Variants in MROH2A observed in about 807,000 individuals in gnomAD.
MROH2A encodes the protein maestro heat like repeat family member 2A.
In MROH2A, 174 loss-of-function variants were observed where a neutral mutation model predicts 200.4. The observed-to-expected ratio is 0.87, with a 90% CI of 0.77 to 0.98. MROH2A has a LOEUF of 0.98. Among genes scored for constraint, MROH2A ranks in the 50% least tolerant of loss-of-function variants. The pLI is 0.00. For synonymous variants in MROH2A, 829 were observed against 840.4 expected (o/e 0.99, Z 0.23); for missense variants, 2,045 against 2,139.6 (o/e 0.96, Z 0.87).
At chr2:233,827,363 C>T (rs1704385171) in intron 35 of MROH2A, among the ~76,000 whole-genome samples, 1 of 152,160 alleles carries the variant, frequency 6.6e-6, no homozygotes, top group African/African-American at 2.4e-5. Context: ...AAATGAGGTA[C>T]ATATACACCA....
Position 233,822,225 on chromosome 2 carries a change from G to A in MROH2A, c.3614G>A (p.Arg1205Lys). ...MGRLQSRLSPRISATSKADIW... is the reference protein window; with the variant it reads ...MGRLQSRLSPKISATSKADIW... The stretch of plus-strand genomic sequence containing the variant: ...CGGCTGCAGTCACGGCTCAGCCCCA[G>A]AATCAGTGCCACCTCCAAGGCTGAC... Residue 1205 changes from arginine (R) to lysine (K), a missense_variant, in exon 32 of 42, where the codon AGA becomes AAA. By Grantham distance (26) the Arg-to-Lys change is conservative. Around this residue, in one of 3 missense-constraint regions of MROH2A, gnomAD observed 1,201 missense variants for 1,311.3 expected, o/e 0.92. Transcript: ENST00000389758. 1.9e-6 allele frequency: 3 copies of A among 1,548,154 alleles called. No individual in the cohort carries two copies. Among genetic ancestry groups the A allele is most frequent in the Non-Finnish European group, 2.6e-6 (3 of 1,147,004 alleles).
In MROH2A at chr2:233,779,835, T is replaced by C. The variant is rs1463568143; in HGVS notation, c.259T>C (p.Cys87Arg). ...PSVVINTLIR[C>R]LQVPEISTQR... The stretch of plus-strand genomic sequence containing the variant: ...TGTAGTGATAAACACTCTCATCCGC[T>C]GCCTGCAGGTGCCAGAGGTAGGGCC... The change falls in exon 3 of 42, where the codon TGC (cysteine) becomes CGC (arginine). Residue 87 changes from cysteine (C) to arginine (R), a missense_variant. Transcript: ENST00000389758. The C allele has an allele frequency of 6.5e-7, 1 of 1,549,980 alleles. No individual in the cohort carries two copies.
chr2:233,781,514 C>T (rs1700954227), intron 3 of MROH2A, among the ~76,000 whole-genome samples: 1 of 152,086 alleles, frequency 6.6e-6, no homozygotes, highest in Non-Finnish European at 1.5e-5. Context: ...TTTTATATCC[C>T]TGTTGGCCAC....
intron 41 of MROH2A, 89 bp from the exon 42 acceptor site, chr2:233,833,049 G>T: frequency 7.0e-7 from 1 of 1,435,562 alleles, no homozygotes; most frequent in Non-Finnish European, 9.2e-7. Context: ...ACCTTCTGCG[G>T]CCCTTGCCTG....
intron 26 of MROH2A, 136 bp downstream of exon 26, chr2:233,814,813 C>G: frequency 1.7e-6 from 1 of 596,648 alleles, no homozygotes; most frequent in Non-Finnish European, 2.9e-6. Flanking sequence ...AATTCCAGAT[C>G]TGCTAAAAAT....
At chr2:233,832,005 A>G (rs774353660) in intron 39 of MROH2A, among the ~76,000 whole-genome samples, 172 bp from the exon 40 acceptor site, 5 of 152,226 alleles carry the variant, frequency 3.3e-5, no homozygotes, top group Non-Finnish European at 7.3e-5. Flanking sequence ...TATGAAAAAT[A>G]TAACTGGTGG....
At chr2:233,795,851 A>G in intron 9 of MROH2A, 106 bp downstream of exon 9, 3 of 1,541,688 alleles carry the variant, frequency 1.9e-6, no homozygotes, top group Admixed American at 2.0e-5. Context: ...TGCTTCCTTT[A>G]TCCTGATGGG....
rs376218777 is a variant in MROH2A, at chr2:233,814,694, C to G, written c.2856+17C>G. The G allele has an allele frequency of 2.0e-6, 3 of 1,537,834 alleles. No homozygotes were observed. In the African/African-American group the frequency reaches 4.1e-5, roughly 21 times the overall value. ...ATGGTGCAGGTGAGTTGCCTGGTGG[C>G]GGGCCAGAGCCAGGGATGGCCACTC... On this transcript the variant is annotated intron_variant, in intron 26 of 41. Coordinates refer to ENST00000389758, the MANE Select transcript of MROH2A (RefSeq NM_001394639.1).
intron 5 of MROH2A, among the ~76,000 whole-genome samples, chr2:233,790,444 C>T (rs1418589464): frequency 3.7e-5 from 2 of 54,730 alleles, no homozygotes; most frequent in Non-Finnish European, 6.2e-5. Flanking sequence ...CTTCCTTCCT[C>T]CCTCCCCCCC....
At chr2:233,787,537 T>A (rs1471771170) in intron 3 of MROH2A, among the ~76,000 whole-genome samples, 1 of 113,670 alleles carries the variant, frequency 8.8e-6, no homozygotes, top group Non-Finnish European at 1.7e-5. Flanking sequence ...ACATATATCA[T>A]ATATACATAT....
intron 5 of MROH2A, among the ~76,000 whole-genome samples, chr2:233,792,523 C>G (rs1425584028): frequency 6.6e-6 from 1 of 152,072 alleles, no homozygotes; most frequent in African/African-American, 2.4e-5. Flanking sequence ...CCGTGTTAGC[C>G]AGGATGACCT....
At chr2:233,815,352 T>G (rs1357305902) in intron 26 of MROH2A, among the ~76,000 whole-genome samples, 1 of 152,242 alleles carries the variant, frequency 6.6e-6, no homozygotes, top group Non-Finnish European at 1.5e-5. Context: ...TCTTCTAGTC[T>G]GTGGCCTTTT....
At chr2:233,822,340 T>A (rs969450571) in intron 32 of MROH2A, 23 bp from the exon 33 acceptor site, 1 of 1,548,864 alleles carries the variant, frequency 6.5e-7, no homozygotes, top group African/African-American at 1.4e-5. Context: ...AGGAGCCCGA[T>A]GCCCTGGACC....
rs1325151577 is a variant in MROH2A, at chr2:233,817,990, C to T, written c.2962-12C>T. Reference sequence around the variant, plus strand: ...CACAGAGGTGTGAGCCCCACGGTCTCCTGTCCCTCAGATCCACCTAAAGCT... The same window carrying T: ...CACAGAGGTGTGAGCCCCACGGTCTTCTGTCCCTCAGATCCACCTAAAGCT... On this transcript the variant is annotated splice_polypyrimidine_tract_variant and intron_variant, in intron 27 of 41. Transcript: ENST00000389758. 2 of 1,550,818 alleles carry T rather than the reference C, an allele frequency of 1.3e-6. No individual in the cohort carries two copies. Among genetic ancestry groups the T allele is most frequent in the South Asian group, 2.4e-5 (2 of 84,060 alleles).
chr2:233,823,230 G>A (rs1004295195), intron 34 of MROH2A, among the ~76,000 whole-genome samples: 2 of 152,238 alleles, frequency 1.3e-5, no homozygotes, highest in African/African-American at 4.8e-5. Flanking sequence ...GCAGATATGA[G>A]GGCAGAAAGA....
At chr2:233,778,937 T>C (rs10209214) in intron 1 of MROH2A, among the ~76,000 whole-genome samples, 40,656 of 152,118 alleles carry the variant, frequency 0.27, 6,460 homozygotes, top group East Asian at 0.56. Flanking sequence ...TTTCTGGAGT[T>C]CAGCTTCCTC....
rs1702855355 is a variant in MROH2A at position 233,807,214 on chromosome 2, TCA to T, written c.2053-208_2053-207del. Among the ~76,000 whole-genome samples the T allele has an allele frequency of 1.3e-5, 2 of 152,158 alleles. No homozygotes were observed. Among genetic ancestry groups the T allele is most frequent in the Admixed American group, 6.5e-5 (1 of 15,278 alleles). On this transcript the variant is annotated intron_variant, in intron 19 of 41. Coordinates refer to ENST00000389758, the MANE Select transcript of MROH2A (RefSeq NM_001394639.1). The surrounding 1 kb of genome is among the most constrained non-coding windows in gnomAD (Gnocchi z 4.3). ...ACTGATATATGTATGTATGTATATA[TCA>T]GTTTCTTTATCCACTCATTGATTGA...
At chr2:233,798,667 C>T (rs957069418) in intron 11 of MROH2A, 107 bp from the exon 12 acceptor site, 10 of 774,960 alleles carry the variant, frequency 1.3e-5, no homozygotes, top group Admixed American at 2.1e-5. Flanking sequence ...TGCCCCTGAG[C>T]TTGGAGAATG....
intron 35 of MROH2A, 57 bp downstream of exon 35, chr2:233,823,721 G>T: frequency 6.5e-7 from 1 of 1,531,404 alleles, no homozygotes; most frequent in South Asian, 1.2e-5. Flanking sequence ...GGGGTCCCTG[G>T]ATTCTTCTGG....
Sources: allele counts gnomAD v4.1 joint callset (sites outside exome capture counted in the v4.1 genomes callset), GRCh38; gene constraint gnomAD v4.1.1; regional missense constraint gnomAD v4.1.1; non-coding constraint Gnocchi (gnomAD v3.1); transcripts MANE v1.5; gene names NCBI Gene and HGNC (gene_info 2026-07-23, HGNC 2026-07-21).